The following EEPD1 variants were observed in gnomAD, a reference collection of about 807,000 sequenced individuals.
EEPD1 encodes endonuclease/exonuclease/phosphatase family domain containing 1, also known as endonuclease/exonuclease/phosphatase family domain-containing protein 1.
A neutral mutation model predicts 46.3 loss-of-function variants in EEPD1; 17 were observed. The observed-to-expected ratio is 0.37, with a 90% CI of 0.25 to 0.55. EEPD1 has a LOEUF of 0.55. Among genes scored for constraint, EEPD1 ranks in the 20% least tolerant of loss-of-function variants. The pLI is 0.83. For missense variants in EEPD1, 673 were observed against 745.6 expected (o/e 0.90, Z 1.13); for synonymous variants, 313 against 315.6 (o/e 0.99, Z 0.09).
At chr7:36,231,803 G>A (rs1314831359) in intron 2 of EEPD1, among the ~76,000 whole-genome samples, 1 of 152,176 alleles carries the variant, frequency 6.6e-6, no homozygotes, top group East Asian at 1.9e-4. Context: ...TCAAGTGGAG[G>A]ATTTAGTACG....
chr7:36,154,110 A>G lies in EEPD1; in HGVS notation c.-192-23A>G, dbSNP rs1056861254. 10 of 610,542 alleles carry G rather than the reference A, an allele frequency of 1.6e-5. No individual in the cohort carries two copies. Among genetic ancestry groups the G allele is most frequent in the South Asian group, 4.2e-5 (2 of 47,510 alleles). The allele number at this position is 610,542 out of a possible 1,614,324, so 37.8% of individuals were successfully genotyped here. ...AAATTTCTTAATTCAATGGGTTTCT[A>G]TGTTTATTGATTTATTTTCTAGGCG... On this transcript the variant is annotated intron_variant, in intron 1 of 7. Coordinates refer to ENST00000242108, the MANE Select transcript of EEPD1 (RefSeq NM_030636.3). The surrounding 1 kb of genome is among the most constrained non-coding windows in gnomAD (Gnocchi z 4.2).
Position 36,284,680 on chromosome 7 carries a change from C to T in EEPD1, c.1042-6C>T. On this transcript the variant is annotated splice_region_variant and splice_polypyrimidine_tract_variant and intron_variant, in intron 4 of 7. Transcript: ENST00000242108. ...CACCAAGACTCTGTCTCCCTCTCCG[C>T]TGCAGGGAGCTGGGTATGCAGGATT... 6.2e-7 allele frequency: 1 copy of T among 1,610,872 alleles called. No individual in the cohort carries two copies. The highest frequency in any genetic ancestry group is 1.1e-5 in the South Asian group (1 of 90,960).
intron 2 of EEPD1, among the ~76,000 whole-genome samples, chr7:36,194,009 T>G (rs1196525537): frequency 6.6e-6 from 1 of 152,198 alleles, no homozygotes; most frequent in Non-Finnish European, 1.5e-5. Context: ...GTTTATTTTG[T>G]GTGGTCTTTG....
intron 2 of EEPD1, among the ~76,000 whole-genome samples, chr7:36,169,482 T>C (rs925200530): frequency 6.6e-6 from 1 of 152,242 alleles, no homozygotes; most frequent in African/African-American, 2.4e-5. Flanking sequence ...CCCTAATAAC[T>C]AATGACGTTT....
At chr7:36,282,673 T>C (rs548439398) in intron 4 of EEPD1, among the ~76,000 whole-genome samples, 65 of 152,350 alleles carry the variant, frequency 4.3e-4, no homozygotes, top group Non-Finnish European at 6.8e-4. Context: ...AAAGATACTA[T>C]GCATTGGAAT....
At chr7:36,162,381 C>T (rs1000697405) in intron 2 of EEPD1, among the ~76,000 whole-genome samples, 8 of 152,212 alleles carry the variant, frequency 5.3e-5, no homozygotes, top group African/African-American at 1.4e-4. Flanking sequence ...CACGGTGGCT[C>T]ACACCTGTAA....
Position 36,155,909 on chromosome 7 carries a change from T to C in EEPD1, c.878+707T>C, listed in dbSNP as rs374400913. Among the ~76,000 whole-genome samples the C allele has an allele frequency of 3.9e-5, 6 of 152,362 alleles. No individual in the cohort carries two copies. The East Asian group carries it at 7.7e-4, about 20-fold the overall frequency. ...CCGTTACCACAGAGCGTTTATGTTA[T>C]TCACAATACTGCTCTCTGTAGGAAT... On this transcript the variant is annotated intron_variant, in intron 2 of 7. Transcript: ENST00000242108.
intron 2 of EEPD1, among the ~76,000 whole-genome samples, chr7:36,207,895 T>G (rs1010452214): frequency 6.6e-5 from 10 of 150,954 alleles, no homozygotes; most frequent in Admixed American, 2.6e-4. Flanking sequence ...GGAGTTTTTT[T>G]TTTTTTTTTT....
intron 3 of EEPD1, among the ~76,000 whole-genome samples, chr7:36,244,235 G>A (rs138478645): frequency 2.1e-4 from 32 of 152,054 alleles, no homozygotes; most frequent in Non-Finnish European, 3.4e-4. Context: ...AGAACTGGTC[G>A]CTTCTAGCCA....
At chr7:36,158,522 A>G (rs2115595059) in intron 2 of EEPD1, among the ~76,000 whole-genome samples, 1 of 152,310 alleles carries the variant, frequency 6.6e-6, no homozygotes, top group East Asian at 1.9e-4. Flanking sequence ...TTCTTACAGC[A>G]TGTGTGAGCT....
chr7:36,204,017 C>T (rs1472139002), intron 2 of EEPD1, among the ~76,000 whole-genome samples: 1 of 148,008 alleles, frequency 6.8e-6, no homozygotes. Flanking sequence ...AATGCCCTTT[C>T]TTTCTTTCTT....
At chr7:36,254,018 C>G (rs1325597242) in intron 3 of EEPD1, among the ~76,000 whole-genome samples, 1 of 152,082 alleles carries the variant, frequency 6.6e-6, no homozygotes, top group African/African-American at 2.4e-5. Flanking sequence ...TTCCTCATTA[C>G]TTTCTTTTGC....
intron 2 of EEPD1, among the ~76,000 whole-genome samples, chr7:36,176,876 TCTC>T (rs1785188582): frequency 6.6e-6 from 1 of 152,204 alleles, no homozygotes; most frequent in Non-Finnish European, 1.5e-5. Context: ...GCTGCCTGGT[TCTC>T]CTCAAGTAGC....
chr7:36,246,517 G>A (rs1483873880), intron 3 of EEPD1, among the ~76,000 whole-genome samples: 1 of 152,220 alleles, frequency 6.6e-6, no homozygotes, highest in Non-Finnish European at 1.5e-5. Context: ...ATTAGCTGCT[G>A]CTGTGGTCGT....
intron 3 of EEPD1, among the ~76,000 whole-genome samples, chr7:36,274,572 G>T (rs1270111412): frequency 1.3e-5 from 2 of 152,094 alleles, no homozygotes; most frequent in Non-Finnish European, 2.9e-5. Flanking sequence ...TTTAAGTTCT[G>T]GGGTACACGT....
intron 6 of EEPD1, among the ~76,000 whole-genome samples, chr7:36,291,668 C>G (rs1028567270): frequency 6.6e-6 from 1 of 152,236 alleles, no homozygotes; most frequent in African/African-American, 2.4e-5. Context: ...TGGTGGTGGC[C>G]TGAGTGGCTT....
intron 3 of EEPD1, among the ~76,000 whole-genome samples, chr7:36,246,382 T>C (rs190601853): frequency 3.3e-5 from 5 of 152,342 alleles, no homozygotes; most frequent in Non-Finnish European, 7.4e-5. Context: ...ACATGGAGCT[T>C]CAGAATAATA....
chr7:36,154,756 G>A lies in EEPD1; in HGVS notation c.432G>A (p.Pro144=), dbSNP rs1302490125. The A allele has an allele frequency of 1.9e-6, 3 of 1,613,902 alleles. No individual in the cohort carries two copies. The highest frequency in any genetic ancestry group is 1.3e-5 in the African/African-American group (1 of 74,908). The change falls in exon 2 of 8, where the codon CCG becomes CCA. Residue 144 remains proline (P), a synonymous_variant. Transcript: ENST00000242108. This position sits in a 1 kb window ranked among gnomAD's most constrained non-coding sequence, Gnocchi z 4.2. ...GTGTTAACATCAACACAGCCACCCC[G>A]GCCCAGCTCATGAGCGTGCGAGGCC... The part of the protein sequence containing the change: ...TPRVNINTAT[P]AQLMSVRGLS...
chr7:36,156,735 A>C (rs554604189), intron 2 of EEPD1, among the ~76,000 whole-genome samples: 111 of 152,154 alleles, frequency 7.3e-4, no homozygotes, highest in Non-Finnish European at 1.4e-3. Flanking sequence ...CAGCAACATC[A>C]GCTACTGACT....
Sources: allele counts gnomAD v4.1 joint callset (sites outside exome capture counted in the v4.1 genomes callset), GRCh38; gene constraint gnomAD v4.1.1; non-coding constraint Gnocchi (gnomAD v3.1); transcripts MANE v1.5; gene names NCBI Gene and HGNC (gene_info 2026-07-23, HGNC 2026-07-21).